PRKN: variants seen among roughly 807,000 people sequenced by gnomAD.
PRKN encodes parkin RBR E3 ubiquitin protein ligase.
PRKN carries 56 observed loss-of-function variants against 59.5 expected under a neutral mutation model. That is an observed-to-expected ratio of 0.94 (90% confidence interval 0.76 to 1.18). The LOEUF (loss-of-function observed/expected upper bound fraction) is 1.18, where lower values mean the gene tolerates loss of function less well. Ranked by LOEUF, PRKN falls within the 50% of genes most tolerant of loss-of-function variation. PRKN has a pLI of 0.00. For missense variants in PRKN, 657 were observed against 596.4 expected (o/e 1.10, Z -1.06); for synonymous variants, 250 against 222.1 (o/e 1.13, Z -1.12).
intron 5 of PRKN, among the ~76,000 whole-genome samples, chr6:162,021,460 T>TG (rs1783192273): frequency 2.9e-4 from 1 of 3,468 alleles, no homozygotes; most frequent in East Asian, 8.2e-3. Flanking sequence ...TATATATATA[T>TG]ATTTTTTTTT....
In PRKN at chr6:161,498,499, C is replaced by T. The variant is rs940521131; in HGVS notation, c.1083+50355G>A. Among the ~76,000 whole-genome samples the T allele has an allele frequency of 6.6e-6, 1 of 152,278 alleles. No homozygotes were observed. Among genetic ancestry groups the T allele is most frequent in the Non-Finnish European group, 1.5e-5 (1 of 68,020 alleles). On this transcript the variant is annotated intron_variant, in intron 9 of 11. Transcript: ENST00000366898. The surrounding 1 kb of genome is among the most constrained non-coding windows in gnomAD (Gnocchi z 4.2). ...CCTGAGAGCTTGTGGGAAGGGTGTG[C>T]TGTCCTAACCCAGTTAGATGTCGTC...
chr6:162,478,686 C>T (rs1226836139), intron 1 of PRKN, among the ~76,000 whole-genome samples: 2 of 152,148 alleles, frequency 1.3e-5, no homozygotes, highest in African/African-American at 4.8e-5. Context: ...AAGGGACTTA[C>T]ATAAACCCAG....
chr6:161,904,522 A>G (rs998093213), intron 6 of PRKN, among the ~76,000 whole-genome samples: 5 of 151,948 alleles, frequency 3.3e-5, no homozygotes, highest in Non-Finnish European at 7.4e-5. Flanking sequence ...TCACTGTGTC[A>G]GCCAGGACGG....
chr6:162,111,860 G>T (rs1476809999), intron 4 of PRKN, among the ~76,000 whole-genome samples: 1 of 152,136 alleles, frequency 6.6e-6, no homozygotes, highest in Non-Finnish European at 1.5e-5. Flanking sequence ...TCCCAGTCTT[G>T]CTTCCATAAC....
chr6:162,692,077 T>C (rs1777794746), intron 1 of PRKN, among the ~76,000 whole-genome samples: 1 of 152,126 alleles, frequency 6.6e-6, no homozygotes, highest in African/African-American at 2.4e-5. Flanking sequence ...CCATTGCTTT[T>C]GGTGTTTTGG....
intron 3 of PRKN, among the ~76,000 whole-genome samples, chr6:162,204,952 T>G (rs1784877403): frequency 6.6e-6 from 1 of 151,930 alleles, no homozygotes; most frequent in South Asian, 2.1e-4. Flanking sequence ...AACTTCCTCC[T>G]CTTGGGTTCA....
chr6:161,961,070 T>G (rs186166647), intron 6 of PRKN, among the ~76,000 whole-genome samples: 4 of 152,324 alleles, frequency 2.6e-5, no homozygotes, highest in Admixed American at 2.6e-4. Context: ...AACAACTTGT[T>G]AGCAATAGTT....
chr6:161,545,182 A>G lies in PRKN; in HGVS notation c.1083+3672T>C. 1 of 1,352,280 alleles carries G rather than the reference A, an allele frequency of 7.4e-7. No individual in the cohort carries two copies. The highest frequency in any genetic ancestry group is 2.7e-5 in the East Asian group (1 of 36,448). The allele number at this position is 1,352,280 out of a possible 1,614,324, so 83.8% of individuals were successfully genotyped here. A position where few individuals can be genotyped will look rare whatever the true frequency, so the allele number is the denominator to read the frequency against. On this transcript the variant is annotated intron_variant, in intron 9 of 11. Coordinates refer to ENST00000366898, the MANE Select transcript of PRKN (RefSeq NM_004562.3). The surrounding 1 kb of genome is among the most constrained non-coding windows in gnomAD (Gnocchi z 4.1). The stretch of plus-strand genomic sequence containing the variant: ...AACATTTCTTGCATACCCACATGGT[A>G]AGAGTTGTACTTTTTCTATCTTGAT...
chr6:161,760,866 C>G (rs1306140029), intron 7 of PRKN, among the ~76,000 whole-genome samples: 1 of 152,192 alleles, frequency 6.6e-6, no homozygotes, highest in Non-Finnish European at 1.5e-5. Context: ...TACACCCGCA[C>G]ATATCTAAAC....
rs4569940 is a variant in PRKN, at chr6:162,664,501, T to A, written c.7+63161A>T. Among the ~76,000 whole-genome samples the A allele has an allele frequency of 6.1e-3, 924 of 152,290 alleles. 7 individuals carry two copies. Among genetic ancestry groups the A allele is most frequent in the African/African-American group, 0.021 (883 of 41,566 alleles). Reference sequence around the variant, plus strand: ...TCCACAACGGTCGAACTAATTTACATTCCTACCACCAGTGTAAAAGTGTTC... The same window carrying A: ...TCCACAACGGTCGAACTAATTTACAATCCTACCACCAGTGTAAAAGTGTTC... On this transcript the variant is annotated intron_variant, in intron 1 of 11. Coordinates refer to ENST00000366898, the MANE Select transcript of PRKN (RefSeq NM_004562.3).
chr6:161,759,173 A>C (rs199544147), intron 7 of PRKN, among the ~76,000 whole-genome samples: 1 of 2,844 alleles, frequency 3.5e-4, no homozygotes. Flanking sequence ...GAGACTGTTT[A>C]AAAAAAAAAA....
intron 6 of PRKN, among the ~76,000 whole-genome samples, chr6:161,805,904 A>C (rs1227616666): frequency 1.3e-5 from 2 of 152,116 alleles, no homozygotes; most frequent in Admixed American, 6.5e-5. Context: ...CAGCAAGTCC[A>C]CGTACACCTG....
At chr6:162,556,055 G>C (rs1233492148) in intron 1 of PRKN, among the ~76,000 whole-genome samples, 1 of 150,330 alleles carries the variant, frequency 6.7e-6, no homozygotes, top group East Asian at 2.0e-4. Flanking sequence ...TGGCAGCTTA[G>C]AGCAGACCCT....
chr6:161,924,568 G>A (rs1778898333), intron 6 of PRKN, among the ~76,000 whole-genome samples: 1 of 152,086 alleles, frequency 6.6e-6, no homozygotes. Context: ...AGAGTCTAAT[G>A]GCCGAAATAA....
chr6:162,248,884 T>TA lies in PRKN; in HGVS notation c.412+13640_412+13641insT, dbSNP rs1309905747. On this transcript the variant is annotated intron_variant, in intron 3 of 11. Transcript: ENST00000366898. ...AATAGACTATTGCTTTTGTATATAATTTTTTTTTTTTTTAAGACAGAGTCT... is the reference window on the plus strand; with the variant it reads ...AATAGACTATTGCTTTTGTATATAATATTTTTTTTTTTTTAAGACAGAGTCT... Among the ~76,000 whole-genome samples the TA allele has an allele frequency of 2.1e-3, 304 of 142,484 alleles. 1 individual carries two copies. The highest frequency in any genetic ancestry group is 7.5e-3 in the African/African-American group (286 of 38,038). 93.5% of individuals were successfully genotyped at this position (142,484 alleles called of 152,430 possible).
At chr6:161,450,018 G>GGTAA (rs1366212469) in intron 9 of PRKN, among the ~76,000 whole-genome samples, 1 of 152,166 alleles carries the variant, frequency 6.6e-6, no homozygotes, top group Admixed American at 6.5e-5. Context: ...GCTCCCAAGA[G>GGTAA]GTAAGGTACA....
intron 4 of PRKN, 76 bp from the exon 5 acceptor site, chr6:162,054,250 T>C: frequency 2.2e-6 from 2 of 907,064 alleles, no homozygotes; most frequent in South Asian, 2.7e-5. Flanking sequence ...TTTCCACTTA[T>C]GTTATAAAAT....
At chr6:162,717,082 T>C (rs893443223) in intron 1 of PRKN, among the ~76,000 whole-genome samples, 8 of 152,026 alleles carry the variant, frequency 5.3e-5, no homozygotes, top group Non-Finnish European at 8.8e-5. Flanking sequence ...TGTAACCCCA[T>C]GTGTTCTTTT....
chr6:161,887,299 A>G (rs1436862549), intron 6 of PRKN, among the ~76,000 whole-genome samples: 2 of 152,216 alleles, frequency 1.3e-5, no homozygotes, highest in African/African-American at 4.8e-5. Context: ...TATGACTTAC[A>G]AAAAAGATGC....
Sources: allele counts gnomAD v4.1 joint callset (sites outside exome capture counted in the v4.1 genomes callset), GRCh38; gene constraint gnomAD v4.1.1; non-coding constraint Gnocchi (gnomAD v3.1); transcripts MANE v1.5; gene names NCBI Gene and HGNC (gene_info 2026-07-23, HGNC 2026-07-21).